TANC1: variants seen among roughly 807,000 people sequenced by gnomAD.
TANC1 encodes the protein protein TANC1.
In TANC1, 77 loss-of-function variants were observed where a neutral mutation model predicts 149.7. That is an observed-to-expected ratio of 0.51 (90% CI 0.43 to 0.62). The LOEUF (loss-of-function observed/expected upper bound fraction) is 0.62, where lower values mean the gene tolerates loss of function less well. Among genes scored for constraint, TANC1 ranks in the 20% least tolerant of loss-of-function variants. The pLI is 0.00. For synonymous variants in TANC1, 854 were observed against 925.0 expected (o/e 0.92, Z 1.39); for missense variants, 1,985 against 2,321.8 (o/e 0.85, Z 2.98).
chr2:159,159,717 TGAGAGAGAGAGAGAGAGAGA>T (rs56101796), intron 7 of TANC1, among the ~76,000 whole-genome samples: 7 of 114,974 alleles, frequency 6.1e-5, no homozygotes, highest in East Asian at 2.6e-4. Flanking sequence ...TGTGTGTGTG[TGAGAGAGAGAGAGAGAGAGA>T]GAGAGAGAGA....
At chr2:159,187,110 C>T in intron 16 of TANC1, 86 bp downstream of exon 16, 1 of 1,525,914 alleles carries the variant, frequency 6.6e-7, no homozygotes, top group East Asian at 2.3e-5. Flanking sequence ...TCCCTCTGCC[C>T]TGGGTGGTGG....
intron 7 of TANC1, among the ~76,000 whole-genome samples, chr2:159,155,232 T>G (rs758612268): frequency 5.3e-5 from 8 of 152,170 alleles, no homozygotes; most frequent in Non-Finnish European, 8.8e-5. Flanking sequence ...AGAAAGAGGA[T>G]AGAGCCTGGA....
chr2:158,988,325 CA>C (rs1285907133), intron 1 of TANC1, among the ~76,000 whole-genome samples: 1,361 of 87,382 alleles, frequency 0.016, 15 homozygotes, highest in African/African-American at 0.046. Context: ...GACCCTGTCC[CA>C]AAAAAAAAAA....
chr2:159,107,266 AT>A (rs539136761), intron 4 of TANC1, among the ~76,000 whole-genome samples: 371 of 152,302 alleles, frequency 2.4e-3, no homozygotes, highest in Non-Finnish European at 4.2e-3. Flanking sequence ...ACATCAGGTG[AT>A]TCACCTGCCT....
intron 4 of TANC1, among the ~76,000 whole-genome samples, chr2:159,107,607 C>T (rs566944892): frequency 4.6e-5 from 7 of 152,282 alleles, no homozygotes; most frequent in Non-Finnish European, 8.8e-5. Flanking sequence ...TGTTCTTTCC[C>T]CACTGAATTG....
intron 3 of TANC1, among the ~76,000 whole-genome samples, chr2:159,091,283 A>G (rs951230724): frequency 6.6e-6 from 1 of 152,168 alleles, no homozygotes. Context: ...CAGTTTCTTC[A>G]TCTGAAAAGG....
chr2:159,095,613 G>A (rs888744450), intron 3 of TANC1, among the ~76,000 whole-genome samples: 3 of 151,800 alleles, frequency 2.0e-5, no homozygotes, highest in African/African-American at 7.3e-5. Flanking sequence ...GCGGGCGCCT[G>A]TAATCCCAGC....
intron 4 of TANC1, among the ~76,000 whole-genome samples, chr2:159,101,270 G>A (rs1455574114): frequency 6.6e-6 from 1 of 152,116 alleles, no homozygotes; most frequent in Non-Finnish European, 1.5e-5. Flanking sequence ...AATTATTCTT[G>A]CAAGGATCAA....
chr2:158,989,448 T>G (rs1450114262), intron 1 of TANC1, among the ~76,000 whole-genome samples: 1 of 150,586 alleles, frequency 6.6e-6, no homozygotes, highest in Admixed American at 6.6e-5. Flanking sequence ...CTACTAAAAG[T>G]TAAAAAAAAA....
chr2:159,019,653 GTTTTTTTTTTTTTTTTTTT>G (rs55746240), intron 2 of TANC1, among the ~76,000 whole-genome samples: 6 of 73,304 alleles, frequency 8.2e-5, no homozygotes, highest in Admixed American at 1.8e-4. Context: ...CTTTCTTTCT[GTTTTTTTTTTTTTTTTTTT>G]TTTTTTTTTT....
chr2:159,047,628 C>G (rs2041174428), intron 2 of TANC1, among the ~76,000 whole-genome samples: 1 of 152,126 alleles, frequency 6.6e-6, no homozygotes, highest in African/African-American at 2.4e-5. Flanking sequence ...CCTGGAAGCC[C>G]CCTCCCCATT....
At chr2:159,025,244 C>CTTT (rs2039224044) in intron 2 of TANC1, among the ~76,000 whole-genome samples, 1 of 20,032 alleles carries the variant, frequency 5.0e-5, no homozygotes, top group African/African-American at 1.4e-4. Flanking sequence ...TTTCTTTTCT[C>CTTT]CTTCCTTCTC....
chr2:158,987,520 C>T (rs1270301528), intron 1 of TANC1, among the ~76,000 whole-genome samples: 1 of 152,036 alleles, frequency 6.6e-6, no homozygotes, highest in African/African-American at 2.4e-5. Context: ...AGAGCGAGAC[C>T]CTGTCTCAAA....
chr2:159,175,825 T>G (rs2055791779), intron 12 of TANC1, among the ~76,000 whole-genome samples: 1 of 152,228 alleles, frequency 6.6e-6, no homozygotes, highest in Non-Finnish European at 1.5e-5. Flanking sequence ...TCAGCACTAA[T>G]AAATAGAAAA....
intron 3 of TANC1, among the ~76,000 whole-genome samples, chr2:159,074,619 C>G (rs1181310095): frequency 6.6e-6 from 1 of 152,176 alleles, no homozygotes; most frequent in Non-Finnish European, 1.5e-5. Flanking sequence ...TCACGCCCCA[C>G]TAAGCAAATT....
chr2:158,977,067 T>G (rs2033765399), intron 1 of TANC1, among the ~76,000 whole-genome samples: 1 of 152,198 alleles, frequency 6.6e-6, no homozygotes, highest in East Asian at 1.9e-4. Flanking sequence ...TTAATACAAT[T>G]TATAATATGT....
chr2:159,175,311 GCCTCCGTGCCCAT>G (rs2055725163), intron 12 of TANC1, 127 bp downstream of exon 12: 2 of 707,260 alleles, frequency 2.8e-6, no homozygotes, highest in East Asian at 2.7e-5. Flanking sequence ...GGATGTCGAA[GCCTCCGTGCCCAT>G]CCACTCCTCT....
rs747741598 is a variant in TANC1 at position 159,169,317 on chromosome 2, G to A, written c.1014G>A (p.Thr338=). Residue 338 remains threonine (T), a synonymous_variant, in exon 9 of 27, where the codon ACG becomes ACA. Coordinates refer to ENST00000263635, the MANE Select transcript of TANC1 (RefSeq NM_033394.3). ...GGCAGAGAAATGCTCCTCTACGGAC[G>A]TCAATTAGATTACCATGGCACAATA... ...LDGQRNAPLR[T]SIRLPWHNTA... 26 of 1,613,700 alleles carry A rather than the reference G, an allele frequency of 1.6e-5. No individual in the cohort carries two copies. Among genetic ancestry groups the A allele is most frequent in the Middle Eastern group, 1.6e-4 (1 of 6,084 alleles).
intron 3 of TANC1, among the ~76,000 whole-genome samples, chr2:159,094,779 G>T (rs2045919565): frequency 6.7e-6 from 1 of 148,814 alleles, no homozygotes; most frequent in African/African-American, 2.5e-5. Context: ...GTGTGTGGGG[G>T]GGGGGTGGGG....
Sources: allele counts gnomAD v4.1 joint callset (sites outside exome capture counted in the v4.1 genomes callset), GRCh38; gene constraint gnomAD v4.1.1; transcripts MANE v1.5; gene names NCBI Gene and HGNC (gene_info 2026-07-23, HGNC 2026-07-21).